The following NRXN2 variants were observed in gnomAD, a reference collection of about 807,000 sequenced individuals.
NRXN2 encodes the protein neurexin 2, also known as neurexin-2-beta.
Under a neutral mutation model 128.8 loss-of-function variants are expected in NRXN2, and 29 were observed. That is an observed-to-expected ratio of 0.23 (90% confidence interval 0.17 to 0.31). The LOEUF (loss-of-function observed/expected upper bound fraction) is 0.31, where lower values mean the gene tolerates loss of function less well. Ranked by LOEUF, NRXN2 falls within the 10% of genes least tolerant of loss-of-function variation. The pLI is 1.00. For missense variants in NRXN2, 1,881 were observed against 2,452.6 expected, an observed-to-expected ratio of 0.77 and a Z score of 4.92; for synonymous variants, 1,098 against 1,075.2, an observed-to-expected ratio of 1.02 and a Z score of -0.41.
At chr11:64,719,235 A>G (rs1592326939) in intron 1 of NRXN2, among the ~76,000 whole-genome samples, 1 of 152,300 alleles carries the variant, frequency 6.6e-6, no homozygotes, top group East Asian at 1.9e-4. Flanking sequence ...AAGCAAGACA[A>G]GTATTATCAC....
Position 64,635,174 on chromosome 11 carries a change from G to A in NRXN2, c.3585+97C>T, listed in dbSNP as rs2044516560. ...CAGAGGTTCTGAGGGTTCCCCATGA[G>A]GGAAGACTTGAGGTGCTGATCCCAT... On this transcript the variant is annotated intron_variant, in intron 18 of 22. Coordinates refer to ENST00000265459, the MANE Select transcript of NRXN2 (RefSeq NM_015080.4). This position sits in a 1 kb window ranked among gnomAD's most constrained non-coding sequence, Gnocchi z 4.8. The A allele has an allele frequency of 2.1e-6, 3 of 1,396,352 alleles. No individual in the cohort carries two copies. Among genetic ancestry groups the A allele is most frequent in the African/African-American group, 2.8e-5 (2 of 70,588 alleles). The allele number at this position is 1,396,352 out of a possible 1,614,324, so 86.5% of individuals were successfully genotyped here. A position where few individuals can be genotyped will look rare whatever the true frequency, so the allele number is the denominator to read the frequency against.
intron 2 of NRXN2, among the ~76,000 whole-genome samples, chr11:64,706,352 G>A (rs2056325585): frequency 7.0e-6 from 1 of 143,882 alleles, no homozygotes; most frequent in Non-Finnish European, 1.5e-5. Flanking sequence ...GCCCCGGTGT[G>A]TGATGTTCCC....
rs1368844620 is a variant in NRXN2, at chr11:64,699,072, A to G, written c.731-1280T>C. Among the ~76,000 whole-genome samples, 3 of 152,352 alleles carry G rather than the reference A, an allele frequency of 2.0e-5. No homozygotes were observed. In the East Asian group the frequency reaches 5.8e-4, roughly 29 times the overall value. ...CTCCTACCTCCAACCCCATTTGGTG[A>G]TATCTGTTCATTCGCTCATAGAGAG... is the stretch of plus-strand genomic sequence containing the variant. On this transcript the variant is annotated intron_variant, in intron 2 of 22. Transcript: ENST00000265459.
intron 4 of NRXN2, among the ~76,000 whole-genome samples, chr11:64,691,933 G>A (rs753878512): frequency 1.3e-5 from 2 of 152,180 alleles, no homozygotes; most frequent in Non-Finnish European, 2.9e-5. Flanking sequence ...GCTGAATTGG[G>A]CAGGTCCAAC....
intron 17 of NRXN2, chr11:64,637,386 C>A (rs1410888297): frequency 6.6e-6 from 1 of 152,314 alleles, no homozygotes; most frequent in Non-Finnish European, 1.5e-5. Context: ...TGACCCCCAC[C>A]CCCACCCCAT....
intron 7 of NRXN2, chr11:64,675,292 G>GC (rs2135533550): frequency 6.6e-6 from 1 of 152,440 alleles, no homozygotes; most frequent in South Asian, 2.1e-4. Context: ...ATTGGGGAGG[G>GC]CTGGAATGGC....
intron 6 of NRXN2, among the ~76,000 whole-genome samples, chr11:64,685,143 G>A (rs1272853404): frequency 6.6e-6 from 1 of 152,084 alleles, no homozygotes; most frequent in Non-Finnish European, 1.5e-5. Context: ...AACACATCCT[G>A]CCCGCACACA....
intron 9 of NRXN2, among the ~76,000 whole-genome samples, chr11:64,666,185 G>A (rs894599196): frequency 1.3e-5 from 2 of 151,486 alleles, no homozygotes; most frequent in Admixed American, 1.3e-4. Flanking sequence ...TGGGTGCTCA[G>A]TAACTGCTGA....
intron 18 of NRXN2, among the ~76,000 whole-genome samples, chr11:64,633,833 C>G (rs1296615596): frequency 1.3e-5 from 2 of 152,068 alleles, no homozygotes; most frequent in Non-Finnish European, 2.9e-5. Flanking sequence ...CTGCCTGTCC[C>G]GCTGACACAG....
At chr11:64,619,307 T>C (rs906767257) in intron 22 of NRXN2, among the ~76,000 whole-genome samples, 6 of 148,936 alleles carry the variant, frequency 4.0e-5, no homozygotes, top group Non-Finnish European at 9.0e-5. Context: ...ACTCCTCCAC[T>C]GGGAAATCTG....
At chr11:64,675,898 T>C in intron 7 of NRXN2, 1 of 154,236 alleles carries the variant, frequency 6.5e-6, no homozygotes, top group Non-Finnish European at 1.5e-5. Flanking sequence ...CCCCGAAATG[T>C]CACGCCAACA....
At chr11:64,620,496 C>G (rs1411237421) in intron 21 of NRXN2, 124 bp from the exon 22 acceptor site, 1 of 762,194 alleles carries the variant, frequency 1.3e-6, no homozygotes, top group Non-Finnish European at 2.3e-6. Context: ...CCAGACTGGT[C>G]TGAGTCCCAG....
Position 64,712,892 on chromosome 11 carries a change from C to T in NRXN2, c.730+78G>A, listed in dbSNP as rs2057083975. 4.6e-6 allele frequency: 6 copies of T among 1,308,704 alleles called. No homozygotes were observed. The South Asian group carries it at 8.0e-5, about 17-fold the overall frequency. 81.1% of individuals were successfully genotyped at this position (1,308,704 alleles called of 1,614,324 possible). ...AGCCCCCGTGCCTCAGGAGCCCACACACACTCCGACCCCCACGAAGCGCCC... is the reference window on the plus strand; with the variant it reads ...AGCCCCCGTGCCTCAGGAGCCCACATACACTCCGACCCCCACGAAGCGCCC... On this transcript the variant is annotated intron_variant, in intron 2 of 22. Transcript: ENST00000265459.
chr11:64,706,194 TAA>T (rs2135646786), intron 2 of NRXN2, among the ~76,000 whole-genome samples: 1 of 18,948 alleles, frequency 5.3e-5, no homozygotes, highest in Non-Finnish European at 1.1e-4. Context: ...AATTATACTT[TAA>T]GTTTTAGGGT....
rs1213441537 is a variant in NRXN2, at chr11:64,701,904, G to C, written c.731-4112C>G. ...AGCCGCTCTGTCCGGGAGGGAGGTGGGGGGGGTCAGCCCCCCGCCCGGCCA... is the reference window on the plus strand; with the variant it reads ...AGCCGCTCTGTCCGGGAGGGAGGTGCGGGGGGTCAGCCCCCCGCCCGGCCA... On this transcript the variant is annotated intron_variant, in intron 2 of 22. Coordinates refer to ENST00000265459, the MANE Select transcript of NRXN2 (RefSeq NM_015080.4). 5.8e-3 allele frequency among the ~76,000 whole-genome samples: 400 copies of C among 68,850 alleles called. 5 individuals are homozygous for C. Among genetic ancestry groups the C allele is most frequent in the African/African-American group, 0.05 (363 of 7,194 alleles). The allele number at this position is 68,850 out of a possible 152,430, so 45.2% of individuals were successfully genotyped here. A position where few individuals can be genotyped will look rare whatever the true frequency, so the allele number is the denominator to read the frequency against.
intron 20 of NRXN2, among the ~76,000 whole-genome samples, chr11:64,624,317 T>A (rs2042794414): frequency 6.6e-6 from 1 of 152,176 alleles, no homozygotes; most frequent in African/African-American, 2.4e-5. Context: ...CAAACATCCA[T>A]CCAGCCTCTA....
rs1565301859 is a variant in NRXN2, at chr11:64,651,314, C to T, written c.2859G>A (p.Gly953=). The T allele has an allele frequency of 6.2e-7, 1 of 1,614,204 alleles. No individual in the cohort carries two copies. Among genetic ancestry groups the T allele is most frequent in the African/African-American group, 1.3e-5 (1 of 75,056 alleles). The part of the protein sequence containing the change: ...FFQFKTTAPD[G]LLLFNSGNGN... The stretch of plus-strand genomic sequence containing the variant: ...CGTTGCCCGAGTTGAACAGAAGAAG[C>T]CCATCAGGGGCCGTGGTCTTGAACT... Residue 953 remains glycine (G), a synonymous_variant, in exon 14 of 23, where the codon GGG becomes GGA. Coordinates refer to ENST00000265459, the MANE Select transcript of NRXN2 (RefSeq NM_015080.4). This position sits in a 1 kb window ranked among gnomAD's most constrained non-coding sequence, Gnocchi z 5.9.
chr11:64,627,537 C>T (rs376003935), intron 19 of NRXN2, among the ~76,000 whole-genome samples: 3 of 152,062 alleles, frequency 2.0e-5, no homozygotes, highest in Non-Finnish European at 2.9e-5. Flanking sequence ...CTCCTCCCCC[C>T]AGTTCCAGCC....
At position 64,630,459 on chromosome 11, in the gene NRXN2, C is replaced by G; in HGVS notation, c.3700G>C (p.Gly1234Arg). 6.2e-7 allele frequency: 1 copy of G among 1,613,772 alleles called. No homozygotes were observed. Among genetic ancestry groups the G allele is most frequent in the Non-Finnish European group, 8.5e-7 (1 of 1,179,940 alleles). Residue 1234 changes from glycine to arginine, a missense_variant, in exon 19 of 23, where the codon GGC becomes CGC. Transcript: ENST00000265459. The surrounding 1 kb of genome is among the most constrained non-coding windows in gnomAD (Gnocchi z 4.6). ...KYHVVRFTRS[G>R]GNATLQVDSW... The stretch of plus-strand genomic sequence containing the variant: ...TCCACCTGCAGGGTGGCGTTGCCGC[C>G]GCTTCGAGTGAAGCGCACCACGTGG...
Sources: allele counts gnomAD v4.1 joint callset (sites outside exome capture counted in the v4.1 genomes callset), GRCh38; gene constraint gnomAD v4.1.1; non-coding constraint Gnocchi (gnomAD v3.1); transcripts MANE v1.5; gene names NCBI Gene and HGNC (gene_info 2026-07-23, HGNC 2026-07-21).